The following WIPF3 variants were observed in gnomAD, a reference collection of about 807,000 sequenced individuals.
WIPF3 encodes the protein WAS/WASL interacting protein family member 3.
WIPF3 carries 33 observed loss-of-function variants against 38.9 expected under a neutral mutation model. The observed-to-expected ratio is 0.85, with a 90% CI of 0.64 to 1.14. WIPF3 has a LOEUF of 1.14. WIPF3 is among the 50% of genes most tolerant of loss of function. The pLI, the probability that WIPF3 is intolerant of heterozygous loss-of-function variation, is 0.00. For missense variants in WIPF3, 711 were observed against 652.5 expected, an observed-to-expected ratio of 1.09 and a Z score of -0.98; for synonymous variants, 324 against 269.3, an observed-to-expected ratio of 1.20 and a Z score of -1.99.
At chr7:29,883,615 G>GCTGGAGGC (rs1785768315) in intron 4 of WIPF3, among the ~76,000 whole-genome samples, 1 of 152,122 alleles carries the variant, frequency 6.6e-6, no homozygotes, top group African/African-American at 2.4e-5. Context: ...GGATAGGAGG[G>GCTGGAGGC]CTGGAGGCCT....
intron 7 of WIPF3, among the ~76,000 whole-genome samples, chr7:29,896,264 G>A (rs1786141932): frequency 6.8e-6 from 1 of 146,050 alleles, no homozygotes; most frequent in East Asian, 2.1e-4. Flanking sequence ...AGCTATGATT[G>A]TGCCTGGGCA....
chr7:29,816,933 A>G (rs1202844353), intron 1 of WIPF3, among the ~76,000 whole-genome samples: 1 of 152,172 alleles, frequency 6.6e-6, no homozygotes. Flanking sequence ...ATGTTGCTAC[A>G]TTTTCCCATT....
intron 2 of WIPF3, among the ~76,000 whole-genome samples, chr7:29,842,376 G>C (rs1202689229): frequency 6.6e-6 from 1 of 152,194 alleles, no homozygotes; most frequent in East Asian, 1.9e-4. Context: ...AAGACACTGA[G>C]GTGCCGTATA....
intron 1 of WIPF3, among the ~76,000 whole-genome samples, chr7:29,825,385 A>G (rs1271499879): frequency 6.6e-6 from 1 of 152,228 alleles, no homozygotes; most frequent in Non-Finnish European, 1.5e-5. Context: ...TTTATGCTTA[A>G]GGTTTACCTT....
chr7:29,808,121 C>T (rs1345134890), intron 1 of WIPF3, among the ~76,000 whole-genome samples: 1 of 152,090 alleles, frequency 6.6e-6, no homozygotes, highest in Non-Finnish European at 1.5e-5. Flanking sequence ...GAAGTTATAC[C>T]CTTGAGACTT....
At chr7:29,908,957 G>A (rs1786453956) in intron 8 of WIPF3, among the ~76,000 whole-genome samples, 2 of 148,368 alleles carry the variant, frequency 1.3e-5, no homozygotes, top group Admixed American at 1.3e-4. Flanking sequence ...ATCTTTCCTA[G>A]CACAGTGGAA....
At chr7:29,905,220 G>A (rs1055061022) in intron 8 of WIPF3, 1 of 152,200 alleles carries the variant, frequency 6.6e-6, no homozygotes, top group Non-Finnish European at 1.5e-5. Context: ...TCTAACCACA[G>A]CTGATGCAAG....
intron 1 of WIPF3, among the ~76,000 whole-genome samples, chr7:29,817,635 T>A (rs1167777332): frequency 1.3e-5 from 2 of 152,132 alleles, no homozygotes; most frequent in African/African-American, 4.8e-5. Context: ...ATGTCTTTCT[T>A]TTTTTAAAAT....
chr7:29,873,265 C>T (rs1488658318), intron 2 of WIPF3, among the ~76,000 whole-genome samples: 1 of 152,168 alleles, frequency 6.6e-6, no homozygotes, highest in African/African-American at 2.4e-5. Flanking sequence ...GAAAAGAATG[C>T]ACCATTCTCA....
intron 2 of WIPF3, among the ~76,000 whole-genome samples, chr7:29,845,723 G>A (rs1353798216): frequency 6.6e-6 from 1 of 152,244 alleles, no homozygotes; most frequent in Non-Finnish European, 1.5e-5. Context: ...GATGAGGGAT[G>A]AGGGAGGATC....
intron 5 of WIPF3, 85 bp from the exon 6 acceptor site, chr7:29,887,983 T>C (rs1232286403): frequency 3.9e-6 from 6 of 1,539,916 alleles, no homozygotes; most frequent in Middle Eastern, 3.4e-4. Context: ...CATCTGAAGA[T>C]AGAAATGCCT....
intron 1 of WIPF3, among the ~76,000 whole-genome samples, chr7:29,812,990 A>G (rs1468751151): frequency 1.3e-5 from 2 of 152,178 alleles, no homozygotes; most frequent in Non-Finnish European, 2.9e-5. Flanking sequence ...CCATTTGCCA[A>G]AAGCACCTCA....
rs1034927314 is a variant in WIPF3, at chr7:29,844,383, A to C, written c.90+9569A>C. 6.6e-6 allele frequency among the ~76,000 whole-genome samples: 1 copy of C among 152,224 alleles called. No individual in the cohort carries two copies. The highest frequency in any genetic ancestry group is 1.5e-5 in the Non-Finnish European group (1 of 68,036). ...GCTTCATAATAACAGGCATCTACTA[A>C]ATAGCTATTGTGCCCCCAAGTACTG... On this transcript the variant is annotated intron_variant, in intron 2 of 8. Transcript: ENST00000242140. The surrounding 1 kb of genome is among the most constrained non-coding windows in gnomAD (Gnocchi z 4.8).
intron 5 of WIPF3, among the ~76,000 whole-genome samples, chr7:29,887,244 C>T (rs934188019): frequency 1.3e-5 from 2 of 152,170 alleles, no homozygotes; most frequent in Non-Finnish European, 2.9e-5. Context: ...TTTAGCCCAA[C>T]ATGGGGGGAA....
At chr7:29,904,107 A>G (rs1445205571) in intron 7 of WIPF3, among the ~76,000 whole-genome samples, 179 bp from the exon 8 acceptor site, 1 of 151,910 alleles carries the variant, frequency 6.6e-6, no homozygotes, top group Non-Finnish European at 1.5e-5. Flanking sequence ...ATTAGACATG[A>G]CTCTTCTGCA....
chr7:29,904,256 A>G (rs922393679), intron 7 of WIPF3, 30 bp from the exon 8 acceptor site: 11 of 1,611,200 alleles, frequency 6.8e-6, no homozygotes, highest in African/African-American at 5.3e-5. Flanking sequence ...CTGGGCCAAT[A>G]GATAATGAGA....
chr7:29,878,437 G>T lies in WIPF3; in HGVS notation c.224-572G>T, dbSNP rs138636889. Among the ~76,000 whole-genome samples the T allele has an allele frequency of 5.7e-4, 87 of 152,258 alleles. No homozygotes were observed. Among genetic ancestry groups the T allele is most frequent in the African/African-American group, 2.0e-3 (82 of 41,564 alleles). On this transcript the variant is annotated intron_variant, in intron 3 of 8. Coordinates refer to ENST00000242140, the MANE Select transcript of WIPF3 (RefSeq NM_001080529.3). This position sits in a 1 kb window ranked among gnomAD's most constrained non-coding sequence, Gnocchi z 4.0. ...TTCCTCAGGGGCTCATGATCTTTCC[G>T]TTCCATAGATGAAAAGGTGCAGGGA...
intron 5 of WIPF3, 27 bp downstream of exon 5, chr7:29,884,620 C>T: frequency 1.3e-6 from 2 of 1,580,748 alleles, no homozygotes; most frequent in Non-Finnish European, 1.7e-6. Flanking sequence ...GGCCCAGTGC[C>T]CCTGGTGGAG....
intron 2 of WIPF3, among the ~76,000 whole-genome samples, chr7:29,871,148 C>G (rs1016060184): frequency 1.3e-5 from 2 of 152,148 alleles, no homozygotes; most frequent in African/African-American, 4.8e-5. Context: ...TCAGACCTGA[C>G]AGGAGAAAGT....
Sources: allele counts gnomAD v4.1 joint callset (sites outside exome capture counted in the v4.1 genomes callset), GRCh38; gene constraint gnomAD v4.1.1; non-coding constraint Gnocchi (gnomAD v3.1); transcripts MANE v1.5; gene names NCBI Gene and HGNC (gene_info 2026-07-23, HGNC 2026-07-21).